The following BBS9 variants were observed in gnomAD, a reference collection of about 807,000 sequenced individuals.
BBS9 encodes the protein Bardet-Biedl syndrome 9.
In BBS9, 89 loss-of-function variants were observed where a neutral mutation model predicts 117.7. That is an observed-to-expected ratio of 0.76 (90% confidence interval 0.64 to 0.90). The LOEUF (loss-of-function observed/expected upper bound fraction) is 0.90, where lower values mean the gene tolerates loss of function less well. Ranked by LOEUF, BBS9 falls within the 40% of genes least tolerant of loss-of-function variation. BBS9 has a pLI of 0.00. For synonymous variants in BBS9, 379 were observed against 370.9 expected, an observed-to-expected ratio of 1.02 and a Z score of -0.25; for missense variants, 982 against 1,042.2, an observed-to-expected ratio of 0.94 and a Z score of 0.80.
intron 9 of BBS9, among the ~76,000 whole-genome samples, chr7:33,306,684 G>C (rs141841099): frequency 1.3e-5 from 2 of 152,018 alleles, no homozygotes; most frequent in East Asian, 1.9e-4. Context: ...AAGAGTAGAC[G>C]TACAAAAAGC....
intron 19 of BBS9, among the ~76,000 whole-genome samples, chr7:33,466,992 T>G (rs531342372): frequency 7.3e-6 from 1 of 137,232 alleles, no homozygotes; most frequent in South Asian, 2.5e-4. Context: ...TCATTCATAT[T>G]CATTCATTCA....
chr7:33,279,520 T>C (rs1028414403), intron 9 of BBS9, among the ~76,000 whole-genome samples: 3 of 152,242 alleles, frequency 2.0e-5, no homozygotes, highest in Admixed American at 6.5e-5. Flanking sequence ...TGCTGCTTTT[T>C]AAATACGTTT....
chr7:33,290,902 A>G (rs1803915737), intron 9 of BBS9, among the ~76,000 whole-genome samples: 1 of 152,180 alleles, frequency 6.6e-6, no homozygotes, highest in Non-Finnish European at 1.5e-5. Flanking sequence ...CTTTGCCAGA[A>G]ATGGAAATGT....
intron 9 of BBS9, among the ~76,000 whole-genome samples, chr7:33,298,811 A>G (rs1385687369): frequency 6.6e-6 from 1 of 152,220 alleles, no homozygotes; most frequent in African/African-American, 2.4e-5. Context: ...TATGGCCTGG[A>G]AGATCAAGGA....
intron 18 of BBS9, among the ~76,000 whole-genome samples, chr7:33,384,393 T>A (rs1253600038): frequency 6.6e-6 from 1 of 152,224 alleles, no homozygotes; most frequent in African/African-American, 2.4e-5. Context: ...ATTTCTTCTT[T>A]GGAAGTGCCT....
intron 9 of BBS9, among the ~76,000 whole-genome samples, chr7:33,311,865 A>G (rs1809321306): frequency 6.6e-6 from 1 of 152,198 alleles, no homozygotes; most frequent in East Asian, 1.9e-4. Context: ...CATAAAAGCA[A>G]TGGCTATTTT....
intron 19 of BBS9, among the ~76,000 whole-genome samples, chr7:33,497,279 C>T (rs1402000840): frequency 6.6e-6 from 1 of 152,166 alleles, no homozygotes; most frequent in Admixed American, 6.5e-5. Flanking sequence ...GGGAGCCTGA[C>T]AGTGCCTGAT....
intron 19 of BBS9, among the ~76,000 whole-genome samples, chr7:33,449,151 A>G (rs1046567106): frequency 3.9e-5 from 6 of 152,206 alleles, no homozygotes; most frequent in Admixed American, 1.3e-4. Flanking sequence ...TGTGCTGGGC[A>G]TCAATCGTGG....
intron 20 of BBS9, among the ~76,000 whole-genome samples, chr7:33,510,018 C>G (rs1468611562): frequency 1.3e-5 from 2 of 152,008 alleles, no homozygotes; most frequent in African/African-American, 4.8e-5. Flanking sequence ...GTTATATGGG[C>G]CAGATGTGTT....
Position 33,349,498 on chromosome 7 carries a change from C to T in BBS9, c.1432+328C>T, listed in dbSNP as rs4270862. Among the ~76,000 whole-genome samples, 26,877 of 152,074 alleles carry T rather than the reference C, an allele frequency of 0.18. 2,545 individuals are homozygous for T. The highest frequency in any genetic ancestry group is 0.2 in the Non-Finnish European group (13,910 of 67,984). On this transcript the variant is annotated intron_variant, in intron 13 of 22. Coordinates refer to ENST00000242067, the MANE Select transcript of BBS9 (RefSeq NM_198428.3). ...GGCCCAGACTGGAGTGCAGTGGCAC[C>T]ATCATGGCTCACTGCAGCTTCGACT...
At chr7:33,211,799 T>C (rs1339386733) in intron 5 of BBS9, among the ~76,000 whole-genome samples, 1 of 152,198 alleles carries the variant, frequency 6.6e-6, no homozygotes, top group Non-Finnish European at 1.5e-5. Flanking sequence ...ATCTCTCATC[T>C]TTTGTTTCTC....
At chr7:33,236,346 A>G (rs1320689771) in intron 5 of BBS9, among the ~76,000 whole-genome samples, 3 of 151,572 alleles carry the variant, frequency 2.0e-5, no homozygotes, top group Non-Finnish European at 4.4e-5. Context: ...AAAAAGAAAA[A>G]AAAATTAGAG....
At chr7:33,522,971 G>GTT (rs1848870430) in intron 20 of BBS9, among the ~76,000 whole-genome samples, 2 of 148,844 alleles carry the variant, frequency 1.3e-5, no homozygotes, top group Non-Finnish European at 3.0e-5. Flanking sequence ...CATATGGCTA[G>GTT]CCAGTTTTCC....
At position 33,215,872 on chromosome 7, in the gene BBS9, TA is replaced by T. The variant is rs1788956482; in HGVS notation, c.442+38286del. Among the ~76,000 whole-genome samples the T allele has an allele frequency of 2.0e-5, 3 of 152,318 alleles. No individual in the cohort carries two copies. The South Asian group carries it at 6.2e-4, about 32-fold the overall frequency. ...TAATTTTATGATTAGATTAAACATG[TA>T]AAAATATGTCTAAGATTTTTTGTAC... is the stretch of plus-strand genomic sequence containing the variant. On this transcript the variant is annotated intron_variant, in intron 5 of 22. Transcript: ENST00000242067.
intron 19 of BBS9, among the ~76,000 whole-genome samples, chr7:33,409,587 T>C (rs1412046091): frequency 6.6e-6 from 1 of 152,222 alleles, no homozygotes; most frequent in East Asian, 1.9e-4. Flanking sequence ...TTGGGTAATG[T>C]GTTGCCTCCA....
intron 19 of BBS9, among the ~76,000 whole-genome samples, chr7:33,497,636 A>G (rs1373300881): frequency 6.6e-6 from 1 of 152,184 alleles, no homozygotes; most frequent in African/African-American, 2.4e-5. Context: ...CTAGAGAACA[A>G]GTCATACCAG....
At chr7:33,371,848 A>T (rs1822922446) in intron 17 of BBS9, among the ~76,000 whole-genome samples, 1 of 152,168 alleles carries the variant, frequency 6.6e-6, no homozygotes. Context: ...TTTTTAGGTG[A>T]TTTTCCCTGG....
intron 3 of BBS9, among the ~76,000 whole-genome samples, chr7:33,154,100 A>G (rs1440278756): frequency 6.6e-6 from 1 of 152,184 alleles, no homozygotes; most frequent in East Asian, 1.9e-4. Flanking sequence ...CTATGACATC[A>G]TGCTCTTTTC....
At chr7:33,140,819 C>T (rs902903333) in intron 1 of BBS9, among the ~76,000 whole-genome samples, 2 of 152,274 alleles carry the variant, frequency 1.3e-5, no homozygotes, top group Admixed American at 6.5e-5. Context: ...TTCAGAAAGT[C>T]TCCCACATAT....
Sources: gnomAD v4.1 joint callset for allele counts (sites outside exome capture counted in the v4.1 genomes callset) on GRCh38, gnomAD v4.1.1 for gene constraint, MANE v1.5 for transcripts, NCBI Gene and HGNC (gene_info 2026-07-23, HGNC 2026-07-21) for gene names.